DNAH1: variants seen among roughly 807,000 people sequenced by gnomAD.
The protein encoded by DNAH1 is dynein axonemal heavy chain 1.
In DNAH1, 327 loss-of-function variants were observed where a neutral mutation model predicts 484.3. The ratio of observed to expected loss-of-function variants is 0.68; its 90% CI spans 0.62 to 0.74. The LOEUF is 0.74. Ranked by LOEUF, DNAH1 falls within the 30% of genes least tolerant of loss-of-function variation. DNAH1 has a pLI of 0.00. For synonymous variants in DNAH1, 2,192 were observed against 2,191.9 expected, an observed-to-expected ratio of 1.00 and a Z score of 0.00; for missense variants, 5,052 against 5,546.8, an observed-to-expected ratio of 0.91 and a Z score of 2.83.
chr3:52,354,080 G>C (rs1297212907), intron 20 of DNAH1, among the ~76,000 whole-genome samples: 1 of 152,036 alleles, frequency 6.6e-6, no homozygotes, highest in African/African-American at 2.4e-5. Flanking sequence ...TGTGGTCCCA[G>C]CTTCTTGGGA....
At position 52,380,010 on chromosome 3, in the gene DNAH1, C is replaced by A. The variant is rs545683519; in HGVS notation, c.7483C>A (p.Arg2495Ser). 1.3e-6 allele frequency: 2 copies of A among 1,593,754 alleles called. No homozygotes were observed. The highest frequency in any genetic ancestry group is 2.3e-5 in the East Asian group (1 of 43,792). ...CAGCTGGTTCGACCAGCTCCTCAAG[C>A]GCTGCATGGAGCAGTGGGAGGTGAC... ...DRSWFDQLLKRCMEQWEVTFN... is the reference protein window; with the variant it reads ...DRSWFDQLLKSCMEQWEVTFN... The change falls in exon 48 of 78, where the codon CGC becomes AGC. Residue 2495 changes from arginine to serine, a missense_variant. This residue lies in a region of DNAH1 where 2,929 missense variants were observed against 3,409.4 expected (regional missense o/e 0.86). Transcript: ENST00000420323.
At chr3:52,324,481 T>C (rs1403863225) in intron 3 of DNAH1, among the ~76,000 whole-genome samples, 1 of 152,094 alleles carries the variant, frequency 6.6e-6, no homozygotes, top group Non-Finnish European at 1.5e-5. Flanking sequence ...GCCTCCCACC[T>C]GGCCAGGGTT....
intron 8 of DNAH1, among the ~76,000 whole-genome samples, chr3:52,340,381 C>T (rs1451310398): frequency 6.6e-6 from 1 of 151,866 alleles, no homozygotes; most frequent in Admixed American, 6.6e-5. Context: ...TGCGCCCAGC[C>T]TGGGTTACTT....
At chr3:52,318,335 T>C (rs1478045842) in intron 1 of DNAH1, among the ~76,000 whole-genome samples, 6 of 152,236 alleles carry the variant, frequency 3.9e-5, no homozygotes, top group Non-Finnish European at 8.8e-5. Flanking sequence ...CGTGAGCCAC[T>C]GCGCCCGGCC....
intron 73 of DNAH1, 142 bp downstream of exon 73, chr3:52,397,186 C>T: frequency 1.2e-6 from 1 of 858,780 alleles, no homozygotes; most frequent in Non-Finnish European, 1.8e-6. Flanking sequence ...TCCATCCCAT[C>T]CCACAAAGAC....
intron 8 of DNAH1, among the ~76,000 whole-genome samples, chr3:52,339,899 C>T (rs1181162721): frequency 6.6e-6 from 1 of 151,708 alleles, no homozygotes; most frequent in African/African-American, 2.4e-5. Flanking sequence ...CAGAACTCAA[C>T]ATTTCACTTT....
chr3:52,341,530 CT>C (rs55645528), intron 8 of DNAH1, among the ~76,000 whole-genome samples: 18,870 of 101,248 alleles, frequency 0.19, 1,403 homozygotes, highest in African/African-American at 0.34. Flanking sequence ...TTGACTTTGA[CT>C]TTTTTTTTTT....
intron 56 of DNAH1, among the ~76,000 whole-genome samples, chr3:52,387,827 C>T (rs1430986895): frequency 1.3e-5 from 2 of 152,174 alleles, no homozygotes; most frequent in Non-Finnish European, 1.5e-5. Flanking sequence ...CAGAACCATT[C>T]ACTCATCCCA....
At position 52,326,879 on chromosome 3, in the gene DNAH1, C is replaced by G. The variant is rs767144733; in HGVS notation, c.726C>G (p.Tyr242Ter). Residue 242 changes from tyrosine to a stop codon, truncating the protein, a stop_gained, in exon 5 of 78, where the codon TAC (tyrosine) becomes TAG (stop). Transcript: ENST00000420323. LOFTEE classifies it high-confidence loss of function. ...EQGHDPIFPIYLPLKVFDNED... is the reference protein window; with the variant it reads ...EQGHDPIFPI ...GCCATGACCCAATCTTCCCCATCTA[C>G]CTCCCACTGAAGGTGAGCCGGGCTT... 3.1e-6 allele frequency: 5 copies of G among 1,612,736 alleles called. No individual in the cohort carries two copies. The highest frequency in any genetic ancestry group is 4.2e-6 in the Non-Finnish European group (5 of 1,179,384).
At chr3:52,383,329 T>G (rs1226516489) in intron 50 of DNAH1, 57 bp from the exon 51 acceptor site, 2 of 1,492,052 alleles carry the variant, frequency 1.3e-6, no homozygotes, top group Non-Finnish European at 1.9e-6. Context: ...AGCGAGACTG[T>G]GGTCATATAG....
rs918226044 is a variant in DNAH1, at chr3:52,389,552, C to T, written c.9587C>T (p.Thr3196Met). ...ACCTCCGAGCCCACGCTAATCGGGACGCTGGGGAACCCTGTGAAGATCCGA... is the reference window on the plus strand; with the variant it reads ...ACCTCCGAGCCCACGCTAATCGGGATGCTGGGGAACCCTGTGAAGATCCGA... ...PHTSEPTLIG[T>M]LGNPVKIRSW... Residue 3196 changes from threonine (T) to methionine (M), a missense_variant, in exon 60 of 78, where the codon ACG becomes ATG. Around this residue, in one of 4 missense-constraint regions of DNAH1, gnomAD observed 2,929 missense variants for 3,409.4 expected, o/e 0.86. Transcript: ENST00000420323. 3.9e-6 allele frequency: 6 copies of T among 1,534,062 alleles called. No individual in the cohort carries two copies. The highest frequency in any genetic ancestry group is 1.4e-5 in the African/African-American group (1 of 71,620).
rs1414211027 is a variant in DNAH1 at position 52,358,118 on chromosome 3, G to C, written c.4086+115G>C. The C allele has an allele frequency of 9.6e-6, 8 of 836,630 alleles. No homozygotes were observed. Among genetic ancestry groups the C allele is most frequent in the South Asian group, 1.8e-5 (1 of 54,282 alleles). The allele number at this position is 836,630 out of a possible 1,614,324, so 51.8% of individuals were successfully genotyped here. A position where few individuals can be genotyped will look rare whatever the true frequency, so the allele number is the denominator to read the frequency against. On this transcript the variant is annotated intron_variant, in intron 24 of 77. Transcript: ENST00000420323. The surrounding 1 kb of genome is among the most constrained non-coding windows in gnomAD (Gnocchi z 4.2). Reference sequence around the variant, plus strand: ...AGGAAATGTGGCAAATGACATTCCTGGTCTTTGGAGACACACCTGGGGCCT... The same window carrying C: ...AGGAAATGTGGCAAATGACATTCCTCGTCTTTGGAGACACACCTGGGGCCT...
At position 52,393,338 on chromosome 3, in the gene DNAH1, C is replaced by T. The variant is rs747994903; in HGVS notation, c.10479C>T (p.Asn3493=). Residue 3493 remains asparagine, a synonymous_variant, in exon 66 of 78, where the codon AAC becomes AAT. Transcript: ENST00000420323. ...CATCACTTCTCCACTCCACAGACAA[C>T]CTGAAGAAGCGCATCTCCAACATCA... ...SGIANSERAD[N]LKKRISNINR... is the part of the protein sequence containing the mutation. 1 of 1,613,958 alleles carries T rather than the reference C, an allele frequency of 6.2e-7. No homozygotes were observed. Among genetic ancestry groups the T allele is most frequent in the African/African-American group, 1.3e-5 (1 of 75,042 alleles).
In DNAH1 at chr3:52,379,846, TGA is replaced by T. The variant is rs1703762915; in HGVS notation, c.7378-54_7378-53del. On this transcript the variant is annotated intron_variant, in intron 47 of 77. Coordinates refer to ENST00000420323, the MANE Select transcript of DNAH1 (RefSeq NM_015512.5). This position sits in a 1 kb window ranked among gnomAD's most constrained non-coding sequence, Gnocchi z 4.4. Reference sequence around the variant, plus strand: ...GCCCACCCTCCCTTGCCTGGTGGTTTGAGAGATAGCTGAGGGCTTGGGGGCCA... The same window carrying T: ...GCCCACCCTCCCTTGCCTGGTGGTTTGAGATAGCTGAGGGCTTGGGGGCCA... The T allele has an allele frequency of 6.8e-7, 1 of 1,464,414 alleles. No homozygotes were observed. Among genetic ancestry groups the T allele is most frequent in the South Asian group, 1.3e-5 (1 of 77,314 alleles). The allele number at this position is 1,464,414 out of a possible 1,614,324, so 90.7% of individuals were successfully genotyped here.
intron 1 of DNAH1, among the ~76,000 whole-genome samples, chr3:52,320,552 A>G (rs1701107472): frequency 6.6e-6 from 1 of 152,178 alleles, no homozygotes; most frequent in Non-Finnish European, 1.5e-5. Context: ...TTTGCTCTAG[A>G]CAGCCCTGGC....
intron 52 of DNAH1, among the ~76,000 whole-genome samples, 172 bp from the exon 53 acceptor site, chr3:52,384,614 A>T (rs1704013461): frequency 6.6e-6 from 1 of 152,202 alleles, no homozygotes; most frequent in Non-Finnish European, 1.5e-5. Context: ...TTTCATCTGC[A>T]CAAAAGGTGA....
chr3:52,317,461 C>T (rs1320233592), intron 1 of DNAH1, among the ~76,000 whole-genome samples: 3 of 152,190 alleles, frequency 2.0e-5, no homozygotes, highest in Non-Finnish European at 4.4e-5. Flanking sequence ...AGTGCCCTGA[C>T]CAGCTGTCCC....
At chr3:52,390,164 T>C (rs1704310711) in intron 60 of DNAH1, among the ~76,000 whole-genome samples, 1 of 152,020 alleles carries the variant, frequency 6.6e-6, no homozygotes, top group African/African-American at 2.4e-5. Flanking sequence ...TGAGAAACAG[T>C]GTCCACAGTA....
intron 1 of DNAH1, among the ~76,000 whole-genome samples, chr3:52,321,933 A>G (rs1701163482): frequency 6.6e-6 from 1 of 152,134 alleles, no homozygotes; most frequent in Non-Finnish European, 1.5e-5. Context: ...CATGCACCAC[A>G]CTGGGAAAAG....
Sources: gnomAD v4.1 joint callset for allele counts (sites outside exome capture counted in the v4.1 genomes callset) on GRCh38, gnomAD v4.1.1 for gene constraint, gnomAD v4.1.1 regional missense constraint, Gnocchi (gnomAD v3.1) non-coding constraint, MANE v1.5 for transcripts, NCBI Gene and HGNC (gene_info 2026-07-23, HGNC 2026-07-21) for gene names.